NKIRAS1: variants seen among roughly 807,000 people sequenced by gnomAD.
The protein encoded by NKIRAS1 is NFKB inhibitor interacting Ras like 1.
In NKIRAS1, 16 loss-of-function variants were observed where a neutral mutation model predicts 19.8. The observed-to-expected ratio is 0.81, with a 90% CI of 0.55 to 1.23. The LOEUF (loss-of-function observed/expected upper bound fraction) is 1.23. Ranked by LOEUF, NKIRAS1 falls within the 50% of genes most tolerant of loss-of-function variation. The probability of loss-of-function intolerance (pLI) is 0.00; values close to 1 mark genes in which losing one functional copy is unlikely to be tolerated. For missense variants in NKIRAS1, 184 were observed against 220.0 expected, an observed-to-expected ratio of 0.84 and a Z score of 1.04; for synonymous variants, 88 against 79.0, an observed-to-expected ratio of 1.11 and a Z score of -0.61.
chr3:23,906,222 C>A (rs1447473239), intron 3 of NKIRAS1, among the ~76,000 whole-genome samples: 1 of 149,226 alleles, frequency 6.7e-6, no homozygotes, highest in Admixed American at 6.7e-5. Context: ...GATGGTGGCA[C>A]AGTAGATAAG....
intron 3 of NKIRAS1, among the ~76,000 whole-genome samples, chr3:23,910,073 G>A (rs1239041734): frequency 6.6e-6 from 1 of 151,358 alleles, no homozygotes; most frequent in Non-Finnish European, 1.5e-5. Context: ...TGTCCAGGAT[G>A]GTCTTGATCT....
intron 1 of NKIRAS1, among the ~76,000 whole-genome samples, chr3:23,937,421 T>C (rs1015022022): frequency 1.3e-5 from 2 of 152,176 alleles, no homozygotes; most frequent in African/African-American, 4.8e-5. Flanking sequence ...GAGATTGCAC[T>C]GCTGGGAGGA....
upstream of NKIRAS1, chr3:23,918,028 C>G (rs1704760060): frequency 1.2e-6 from 2 of 1,609,508 alleles, no homozygotes; most frequent in Non-Finnish European, 8.5e-7. Context: ...CAAGGCCAAG[C>G]AAGGTACGTG....
At chr3:23,934,078 T>C (rs1192957479) in intron 1 of NKIRAS1, among the ~76,000 whole-genome samples, 1 of 152,194 alleles carries the variant, frequency 6.6e-6, no homozygotes, top group Admixed American at 6.5e-5. Context: ...GAGGAACACA[T>C]TCAGACCATA....
At chr3:23,920,783 C>T (rs1224522841), upstream of NKIRAS1, 2 of 964,002 alleles carry the variant, frequency 2.1e-6, no homozygotes, top group Admixed American at 6.2e-5. Context: ...GATCTTAAGT[C>T]ATACATTTTA....
Position 23,891,283 on chromosome 3 carries a change from C to CTAAT in NKIRAS1, c.*1808_*1811dup, listed in dbSNP as rs1482401849. 1 of 152,150 alleles carries CTAAT rather than the reference C, an allele frequency of 6.6e-6. No individual in the cohort carries two copies. The highest frequency in any genetic ancestry group is 1.5e-5 in the Non-Finnish European group (1 of 68,032). 9.4% of individuals were successfully genotyped at this position (152,150 alleles called of 1,614,324 possible). A position where few individuals can be genotyped will look rare whatever the true frequency, so the allele number is the denominator to read the frequency against. ...ACTTAAGTCTGCATTTGTTACTGTG[C>CTAAT]TAATAAACAATATTAAAAACCACCT... On this transcript the variant is annotated 3_prime_UTR_variant, in exon 5 of 5. Transcript: ENST00000425478.
Position 23,926,215 on chromosome 3 carries a change from C to G in NKIRAS1, c.-139-14765G>C, listed in dbSNP as rs1705208929. ...TACAGGCACCCGCCACCACGCCCAG[C>G]TAATTTTTGTGTTTTTAGTAGAGAC... is the stretch of plus-strand genomic sequence containing the variant. On this transcript the variant is annotated intron_variant, in intron 1 of 4. Transcript: ENST00000421515. The surrounding 1 kb of genome is among the most constrained non-coding windows in gnomAD (Gnocchi z 4.3). Among the ~76,000 whole-genome samples, 1 of 152,118 alleles carries G rather than the reference C, an allele frequency of 6.6e-6. No homozygotes were observed. The highest frequency in any genetic ancestry group is 1.5e-5 in the Non-Finnish European group (1 of 68,010).
At chr3:23,939,748 C>CAAAT (rs1213042895) in intron 1 of NKIRAS1, among the ~76,000 whole-genome samples, 1 of 151,652 alleles carries the variant, frequency 6.6e-6, no homozygotes, top group Admixed American at 6.6e-5. Context: ...CGTCTCAAAA[C>CAAAT]AAACAAACAA....
At chr3:23,900,415 A>G (rs1397738765) in intron 4 of NKIRAS1, among the ~76,000 whole-genome samples, 1 of 152,100 alleles carries the variant, frequency 6.6e-6, no homozygotes, top group Non-Finnish European at 1.5e-5. Context: ...CCGGCAAAGC[A>G]CTTGAGGTTA....
At chr3:23,918,756 G>A (rs562409815), upstream of NKIRAS1, 29 of 725,616 alleles carry the variant, frequency 4.0e-5, no homozygotes, top group South Asian at 2.5e-4. Flanking sequence ...TTACAAATGC[G>A]TGTGTATATA....
intron 1 of NKIRAS1, chr3:23,916,167 C>T (rs1312096000): frequency 6.6e-6 from 1 of 152,228 alleles, no homozygotes; most frequent in East Asian, 1.9e-4. Context: ...AAAACCGCTA[C>T]GATTAAGAGA....
At chr3:23,896,692 G>A (rs1702031236) in intron 4 of NKIRAS1, among the ~76,000 whole-genome samples, 1 of 151,806 alleles carries the variant, frequency 6.6e-6, no homozygotes, top group African/African-American at 2.4e-5. Context: ...AGGGGTGGGT[G>A]GATGGGTGTG....
chr3:23,899,080 A>T (rs1702251828), intron 4 of NKIRAS1, among the ~76,000 whole-genome samples: 2 of 152,210 alleles, frequency 1.3e-5, no homozygotes, highest in South Asian at 2.1e-4. Flanking sequence ...GGTGCCAAAA[A>T]GACTGGGGAC....
At chr3:23,944,570 T>G (rs1705577796) in intron 1 of NKIRAS1, among the ~76,000 whole-genome samples, 1 of 152,174 alleles carries the variant, frequency 6.6e-6, no homozygotes, top group African/African-American at 2.4e-5. Flanking sequence ...GCCCAGATCT[T>G]GACTGCACAT....
intron 1 of NKIRAS1, 111 bp downstream of exon 1, chr3:23,916,673 G>C (rs900228525): frequency 1.3e-5 from 2 of 152,620 alleles, no homozygotes; most frequent in Non-Finnish European, 2.9e-5. Flanking sequence ...GCAGCTCTGG[G>C]GCCCAGATTT....
In NKIRAS1 at chr3:23,891,707, G is replaced by C. The variant is rs1272056918; in HGVS notation, c.*1388C>G. 2 of 152,058 alleles carry C rather than the reference G, an allele frequency of 1.3e-5. No homozygotes were observed. Among genetic ancestry groups the C allele is most frequent in the Non-Finnish European group, 2.9e-5 (2 of 68,020 alleles). 9.4% of individuals were successfully genotyped at this position (152,058 alleles called of 1,614,324 possible). A position where few individuals can be genotyped will look rare whatever the true frequency, so the allele number is the denominator to read the frequency against. On this transcript the variant is annotated 3_prime_UTR_variant, in exon 5 of 5. Coordinates refer to ENST00000425478, the MANE Select transcript of NKIRAS1 (RefSeq NM_020345.4). ...ATGTCTCTTTCAGAGAAACTTATCTGGATACACATACATTCATTACAGAAT... is the reference window on the plus strand; with the variant it reads ...ATGTCTCTTTCAGAGAAACTTATCTCGATACACATACATTCATTACAGAAT...
At position 23,890,715 on chromosome 3, in the gene NKIRAS1, T is replaced by TAACA. The variant is rs767886303; in HGVS notation, c.*2376_*2379dup. 5.5e-6 allele frequency: 5 copies of TAACA among 914,388 alleles called. No individual in the cohort carries two copies. Among genetic ancestry groups the TAACA allele is most frequent in the Non-Finnish European group, 7.9e-6 (5 of 633,734 alleles). The allele number at this position is 914,388 out of a possible 1,614,324, so 56.6% of individuals were successfully genotyped here. A position where few individuals can be genotyped will look rare whatever the true frequency, so the allele number is the denominator to read the frequency against. On this transcript the variant is annotated 3_prime_UTR_variant, in exon 5 of 5. Coordinates refer to ENST00000425478, the MANE Select transcript of NKIRAS1 (RefSeq NM_020345.4). ...GTTGGTAAAGAGTAGGGTATTTCTA[T>TAACA]AACAGATATTATTCAGTCTTATTTC...
At position 23,926,227 on chromosome 3, in the gene NKIRAS1, T is replaced by C. The variant is rs1170190501; in HGVS notation, c.-139-14777A>G. Among the ~76,000 whole-genome samples the C allele has an allele frequency of 6.6e-6, 1 of 152,064 alleles. No homozygotes were observed. The highest frequency in any genetic ancestry group is 2.4e-5 in the African/African-American group (1 of 41,386). ...CCACCACGCCCAGCTAATTTTTGTG[T>C]TTTTAGTAGAGACAGGGTTTCGCCG... is the stretch of plus-strand genomic sequence containing the variant. On this transcript the variant is annotated intron_variant, in intron 1 of 4. Coordinates refer to the NKIRAS1 transcript ENST00000421515. This position sits in a 1 kb window ranked among gnomAD's most constrained non-coding sequence, Gnocchi z 4.3.
intron 1 of NKIRAS1, among the ~76,000 whole-genome samples, chr3:23,915,051 C>T (rs1704188796): frequency 6.6e-6 from 1 of 152,202 alleles, no homozygotes. Flanking sequence ...CGTAATCCCC[C>T]AAACCTGTGA....
Sources: allele counts gnomAD v4.1 joint callset (sites outside exome capture counted in the v4.1 genomes callset), GRCh38; gene constraint gnomAD v4.1.1; non-coding constraint Gnocchi (gnomAD v3.1); transcripts MANE v1.5; gene names NCBI Gene and HGNC (gene_info 2026-07-23, HGNC 2026-07-21).